HUS1: variants seen among roughly 807,000 people sequenced by gnomAD.
HUS1 encodes HUS1 checkpoint clamp component.
A neutral mutation model predicts 32.6 loss-of-function variants in HUS1; 31 were observed. The ratio of observed to expected loss-of-function variants is 0.95; its 90% CI spans 0.72 to 1.28. The LOEUF (loss-of-function observed/expected upper bound fraction) is 1.28. Ranked by LOEUF, HUS1 falls within the 50% of genes most tolerant of loss-of-function variation. The probability of loss-of-function intolerance (pLI) is 0.00; values close to 1 mark genes in which losing one functional copy is unlikely to be tolerated. For missense variants in HUS1, 340 were observed against 337.7 expected, an observed-to-expected ratio of 1.01 and a Z score of -0.05; for synonymous variants, 123 against 116.6, an observed-to-expected ratio of 1.06 and a Z score of -0.36.
At chr7:47,977,340 C>T (rs989683030) in intron 3 of HUS1, among the ~76,000 whole-genome samples, 1 of 152,034 alleles carries the variant, frequency 6.6e-6, no homozygotes, top group Non-Finnish European at 1.5e-5. Flanking sequence ...TTGACGCAAC[C>T]AAGAGAAGGC....
chr7:47,973,302 A>G (rs148994065), intron 5 of HUS1, among the ~76,000 whole-genome samples: 1 of 152,246 alleles, frequency 6.6e-6, no homozygotes, highest in Non-Finnish European at 1.5e-5. Context: ...GTCTGAAGAC[A>G]GGCAGCATCG....
At chr7:47,971,622 T>C in intron 5 of HUS1, 3 of 451,666 alleles carry the variant, frequency 6.6e-6, no homozygotes, top group Admixed American at 2.4e-5. Context: ...CCAGTACCTG[T>C]TATTTCTCTT....
chr7:47,976,815 C>A lies in HUS1; in HGVS notation c.380G>T (p.Arg127Leu), dbSNP rs990421342. The A allele has an allele frequency of 2.0e-5, 33 of 1,611,012 alleles. No individual in the cohort carries two copies. The highest frequency in any genetic ancestry group is 5.4e-5 in the African/African-American group (4 of 74,752). The change falls in exon 4 of 8, where the codon CGC (arginine) becomes CTC (leucine). Residue 127 changes from arginine (R) to leucine (L), a missense_variant. Coordinates refer to ENST00000258774, the MANE Select transcript of HUS1 (RefSeq NM_004507.4). ...VELLSMSSSS[R>L]IVTHDIPIKV... ...TATGGGGATGTCATGGGTCACAATG[C>A]GGCTACTGCTTGACATAGATAACTG...
chr7:47,967,851 G>A lies in HUS1; in HGVS notation c.715C>T (p.Gln239Ter). The part of the protein sequence containing the change: ...EVHIDIRKLL[Q>*]FLAGQQVNPT... ...TTTACTTGTTGTCCAGCAAGAAACTGTAGGAGCTTCCTAATATCTATGTGC... is the reference window on the plus strand; with the variant it reads ...TTTACTTGTTGTCCAGCAAGAAACTATAGGAGCTTCCTAATATCTATGTGC... The change falls in exon 7 of 8, where the codon CAG (glutamine) becomes TAG (stop). Residue 239 changes from glutamine (Q) to a stop codon, truncating the protein, a stop_gained. Transcript: ENST00000258774. LOFTEE classifies it high-confidence loss of function. 1.2e-6 allele frequency: 2 copies of A among 1,614,072 alleles called. No homozygotes were observed. The highest frequency in any genetic ancestry group is 1.7e-6 in the Non-Finnish European group (2 of 1,179,954).
Position 47,975,602 on chromosome 7 carries a change from T to C in HUS1, c.540+11A>G, listed in dbSNP as rs1375037730. 7 of 1,569,488 alleles carry C rather than the reference T, an allele frequency of 4.5e-6. No individual in the cohort carries two copies. The highest frequency in any genetic ancestry group is 2.2e-5 in the East Asian group (1 of 44,642). Reference sequence around the variant, plus strand: ...ACTTCAGAGTTCTTTTCTAAAGAAGTTGTGACTTACAAGGTGATTGCTGAT... The same window carrying C: ...ACTTCAGAGTTCTTTTCTAAAGAAGCTGTGACTTACAAGGTGATTGCTGAT... On this transcript the variant is annotated intron_variant, in intron 5 of 7. Coordinates refer to ENST00000258774, the MANE Select transcript of HUS1 (RefSeq NM_004507.4).
chr7:47,976,349 T>C (rs1261481785), intron 4 of HUS1: 4 of 459,334 alleles, frequency 8.7e-6, no homozygotes, highest in Admixed American at 7.0e-5. Context: ...CCCTAAGCCA[T>C]GAAATTCTTC....
chr7:47,973,375 A>AG (rs1464572614), intron 5 of HUS1, among the ~76,000 whole-genome samples: 7 of 152,210 alleles, frequency 4.6e-5, no homozygotes, highest in Non-Finnish European at 8.8e-5. Flanking sequence ...CCCAAATCAG[A>AG]ACCTGCACTT....
At chr7:47,969,439 G>C (rs1364593493) in intron 5 of HUS1, 121 bp from the exon 6 acceptor site, 2 of 637,282 alleles carry the variant, frequency 3.1e-6, no homozygotes, top group East Asian at 2.9e-5. Context: ...AAACACCTCA[G>C]AGCACACTGA....
At chr7:47,974,813 CCACAAAATAAA>C (rs1485727182) in intron 5 of HUS1, among the ~76,000 whole-genome samples, 2 of 152,146 alleles carry the variant, frequency 1.3e-5, no homozygotes, top group African/African-American at 4.8e-5. Context: ...TAGGAGACTT[CCACAAAATAAA>C]CAGAAAATAA....
At chr7:47,971,618 C>G in intron 5 of HUS1, 2 of 452,796 alleles carry the variant, frequency 4.4e-6, no homozygotes, top group Non-Finnish European at 8.9e-6. Context: ...AGAACCAGTA[C>G]CTGTTATTTC....
intron 6 of HUS1, 72 bp from the exon 7 acceptor site, chr7:47,967,997 T>C: frequency 6.7e-7 from 1 of 1,487,882 alleles, no homozygotes; most frequent in African/African-American, 1.4e-5. Flanking sequence ...ACTCAATGCA[T>C]TTTACTTAAA....
intron 5 of HUS1, chr7:47,971,634 TTGATGTTGATATC>T: frequency 2.2e-6 from 1 of 447,536 alleles, no homozygotes; most frequent in South Asian, 1.6e-5. Flanking sequence ...ATTTCTCTTT[TTGATGTTGATATC>T]TGCCCAATGT....
intron 3 of HUS1, among the ~76,000 whole-genome samples, chr7:47,977,113 A>C (rs1788721292): frequency 6.6e-6 from 1 of 152,134 alleles, no homozygotes. Context: ...AAACAAATGA[A>C]ACTGTATGAA....
intron 1 of HUS1, among the ~76,000 whole-genome samples, chr7:47,979,182 C>G (rs1458033827): frequency 1.3e-5 from 2 of 151,978 alleles, no homozygotes; most frequent in East Asian, 3.9e-4. Context: ...CTGATAAAGC[C>G]GTCTATGGGA....
intron 5 of HUS1, among the ~76,000 whole-genome samples, chr7:47,970,318 C>A (rs1361879400): frequency 2.0e-5 from 3 of 149,442 alleles, no homozygotes; most frequent in African/African-American, 7.4e-5. Flanking sequence ...GAAGCTCAGA[C>A]ATGAGATGAC....
At chr7:47,978,858 T>C (rs2242479) in intron 1 of HUS1, 42 bp from the exon 2 acceptor site, 4 of 1,598,104 alleles carry the variant, frequency 2.5e-6, no homozygotes, top group African/African-American at 1.3e-5. Context: ...AAATGCACAT[T>C]ATGTATCCTA....
At position 47,964,122 on chromosome 7, in the gene HUS1, T is replaced by A. The variant is rs1170892800; in HGVS notation, c.*1234A>T. On this transcript the variant is annotated 3_prime_UTR_variant, in exon 8 of 8. Coordinates refer to ENST00000258774, the MANE Select transcript of HUS1 (RefSeq NM_004507.4). ...GGATGGGTGTGATGGCTGATGCCTG[T>A]AATCCCAGCACTTTGGGAGGCCCAG... 1 of 152,294 alleles carries A rather than the reference T, an allele frequency of 6.6e-6. No homozygotes were observed. The highest frequency in any genetic ancestry group is 1.5e-5 in the Non-Finnish European group (1 of 68,090). 9.4% of individuals were successfully genotyped at this position (152,294 alleles called of 1,614,324 possible). A position where few individuals can be genotyped will look rare whatever the true frequency, so the allele number is the denominator to read the frequency against.
intron 3 of HUS1, among the ~76,000 whole-genome samples, chr7:47,977,369 C>A (rs1174137103): frequency 6.6e-6 from 1 of 151,208 alleles, no homozygotes; most frequent in Non-Finnish European, 1.5e-5. Flanking sequence ...GGGCATAGGA[C>A]ACTCAGAGTG....
intron 5 of HUS1, 135 bp from the exon 6 acceptor site, chr7:47,969,453 C>T: frequency 3.3e-6 from 2 of 613,726 alleles, no homozygotes; most frequent in Non-Finnish European, 2.8e-6. Context: ...ACACTGAGAC[C>T]CCCGTGCTAT....
Sources: gnomAD v4.1 joint callset for allele counts (sites outside exome capture counted in the v4.1 genomes callset) on GRCh38, gnomAD v4.1.1 for gene constraint, MANE v1.5 for transcripts, NCBI Gene and HGNC (gene_info 2026-07-23, HGNC 2026-07-21) for gene names.